The following NRXN1 variants were observed in gnomAD, a reference collection of about 807,000 sequenced individuals.
NRXN1 encodes neurexin 1, also known as neurexin-1.
A neutral mutation model predicts 150.9 loss-of-function variants in NRXN1; 39 were observed. The ratio of observed to expected loss-of-function variants is 0.26; its 90% CI spans 0.20 to 0.34. The LOEUF is 0.34. Among genes scored for constraint, NRXN1 ranks in the 10% least tolerant of loss-of-function variants. The pLI is 1.00. For missense variants in NRXN1, 1,815 were observed against 1,949.9 expected, an observed-to-expected ratio of 0.93 and a Z score of 1.30; for synonymous variants, 924 against 757.0, an observed-to-expected ratio of 1.22 and a Z score of -3.62.
At position 49,946,624 on chromosome 2, in the gene NRXN1, A is replaced by G. The variant is rs1334812975; in HGVS notation, c.4129-2833T>C. Among the ~76,000 whole-genome samples the G allele has an allele frequency of 2.0e-5, 3 of 152,154 alleles. No individual in the cohort carries two copies. The East Asian group carries it at 5.8e-4, about 29-fold the overall frequency. On this transcript the variant is annotated intron_variant, in intron 21 of 22. Coordinates refer to ENST00000401669, the MANE Select transcript of NRXN1 (RefSeq NM_001330078.2). ...ATGTCTAGCCAGTTTTCCCAACACC[A>G]TTTATTAAATAGGGAATCCTTTCCT...
chr2:50,522,719 CATTTTTTTTT>C lies in NRXN1; in HGVS notation c.2374+5896_2374+5905del, dbSNP rs1451704628. Among the ~76,000 whole-genome samples the C allele has an allele frequency of 5.4e-4, 47 of 86,554 alleles. 4 individuals are homozygous for C. The East Asian group carries it at 8.8e-3, about 16-fold the overall frequency. The allele number at this position is 86,554 out of a possible 152,430, so 56.8% of individuals were successfully genotyped here. A position where few individuals can be genotyped will look rare whatever the true frequency, so the allele number is the denominator to read the frequency against. The stretch of plus-strand genomic sequence containing the variant: ...TTCCATTTATTCATTTATTTTTATT[CATTTTTTTTT>C]TTTTTTTTTTTTTTTTTTTTTGAGA... On this transcript the variant is annotated intron_variant, in intron 12 of 22. Transcript: ENST00000401669.
At chr2:50,900,846 T>G (rs964967703) in intron 5 of NRXN1, among the ~76,000 whole-genome samples, 4 of 152,148 alleles carry the variant, frequency 2.6e-5, no homozygotes, top group Non-Finnish European at 5.9e-5. Flanking sequence ...GCTACCTGGA[T>G]TAGACTGAGC....
At position 51,032,013 on chromosome 2, in the gene NRXN1, G is replaced by A. The variant is rs1175909870; in HGVS notation, c.-954C>T. The A allele has an allele frequency of 6.6e-6, 1 of 152,166 alleles. No individual in the cohort carries two copies. The highest frequency in any genetic ancestry group is 6.6e-5 in the Admixed American group (1 of 15,264). The allele number at this position is 152,166 out of a possible 1,614,324, so 9.4% of individuals were successfully genotyped here. ...GTTATTCCCCTCAGCTCGAGCCAGA[G>A]CCTGAAGCATGCATCGGTCAAAGCG... On this transcript the variant is annotated 5_prime_UTR_variant, in exon 1 of 23. Coordinates refer to ENST00000401669, the MANE Select transcript of NRXN1 (RefSeq NM_001330078.2).
chr2:50,631,265 T>C (rs1682270185), intron 5 of NRXN1: 1 of 355,454 alleles, frequency 2.8e-6, no homozygotes, highest in Admixed American at 5.1e-5. Flanking sequence ...CTTCAAGACT[T>C]ATCTCACTTA....
At chr2:50,004,669 AC>A (rs1684478458) in intron 21 of NRXN1, among the ~76,000 whole-genome samples, 1 of 152,128 alleles carries the variant, frequency 6.6e-6, no homozygotes, top group African/African-American at 2.4e-5. Context: ...CAAATCAACA[AC>A]CTGAAGGTAG....
intron 15 of NRXN1, among the ~76,000 whole-genome samples, chr2:50,479,810 G>A (rs2216170): frequency 0.56 from 74,039 of 131,264 alleles, 20,164 homozygotes; most frequent in Middle Eastern, 0.65. Flanking sequence ...GTCTTGCTCC[G>A]TTGCCCAGGC....
At chr2:50,244,458 G>T (rs1419808550) in intron 17 of NRXN1, among the ~76,000 whole-genome samples, 1 of 151,846 alleles carries the variant, frequency 6.6e-6, no homozygotes, top group Non-Finnish European at 1.5e-5. Flanking sequence ...GTGCTGATTT[G>T]AATAAGTTAT....
chr2:50,067,181 T>A (rs1403017747), intron 19 of NRXN1, among the ~76,000 whole-genome samples: 3 of 152,190 alleles, frequency 2.0e-5, no homozygotes, highest in Non-Finnish European at 4.4e-5. Flanking sequence ...ACTGCAGAGT[T>A]CAATGGTGCT....
At chr2:50,287,392 G>C (rs1028994646) in intron 17 of NRXN1, among the ~76,000 whole-genome samples, 1 of 152,050 alleles carries the variant, frequency 6.6e-6, no homozygotes, top group Admixed American at 6.6e-5. Flanking sequence ...AAATGGATAG[G>C]AGACTAAAAA....
At chr2:50,905,858 A>G (rs1683591184) in intron 5 of NRXN1, among the ~76,000 whole-genome samples, 1 of 152,158 alleles carries the variant, frequency 6.6e-6, no homozygotes, top group African/African-American at 2.4e-5. Flanking sequence ...AAAATGGAAG[A>G]TAAAGTGAAT....
At chr2:50,999,455 C>G (rs1249284191) in intron 2 of NRXN1, among the ~76,000 whole-genome samples, 1 of 152,098 alleles carries the variant, frequency 6.6e-6, no homozygotes, top group East Asian at 2.0e-4. Flanking sequence ...AGCAACACTT[C>G]TTGCACATCT....
At chr2:50,961,145 T>C (rs1693119545) in intron 2 of NRXN1, among the ~76,000 whole-genome samples, 1 of 151,936 alleles carries the variant, frequency 6.6e-6, no homozygotes, top group Non-Finnish European at 1.5e-5. Flanking sequence ...TTTATTCCCA[T>C]CCACTATGAT....
At chr2:50,397,223 T>G (rs1346226554) in intron 17 of NRXN1, among the ~76,000 whole-genome samples, 1 of 152,034 alleles carries the variant, frequency 6.6e-6, no homozygotes, top group Non-Finnish European at 1.5e-5. Flanking sequence ...GCAAAGGACA[T>G]GAGAAACTTA....
intron 21 of NRXN1, among the ~76,000 whole-genome samples, chr2:49,957,389 G>T (rs1395410848): frequency 3.3e-5 from 5 of 152,150 alleles, no homozygotes; most frequent in African/African-American, 1.2e-4. Context: ...CTTTCAAAAT[G>T]AATGGCTCTT....
At chr2:51,015,338 T>A (rs1310634111) in intron 2 of NRXN1, among the ~76,000 whole-genome samples, 2 of 152,084 alleles carry the variant, frequency 1.3e-5, no homozygotes, top group African/African-American at 4.8e-5. Flanking sequence ...CATCTTTCCA[T>A]CCTCCACCTC....
At chr2:50,162,200 A>C (rs1187385182) in intron 18 of NRXN1, among the ~76,000 whole-genome samples, 1 of 152,178 alleles carries the variant, frequency 6.6e-6, no homozygotes, top group African/African-American at 2.4e-5. Context: ...ATCATTCAGG[A>C]CAATAAACTA....
chr2:50,496,467 A>G (rs1342147910), intron 14 of NRXN1, among the ~76,000 whole-genome samples: 1 of 152,064 alleles, frequency 6.6e-6, no homozygotes, highest in Non-Finnish European at 1.5e-5. Context: ...TTTCTCCTCT[A>G]TCTCGATTCC....
chr2:50,252,175 T>C (rs1351450199), intron 17 of NRXN1, among the ~76,000 whole-genome samples: 4 of 108,060 alleles, frequency 3.7e-5, no homozygotes, highest in Non-Finnish European at 5.7e-5. Context: ...GGGTTTTACA[T>C]TTAAGTCTTT....
At chr2:50,721,792 AT>A (rs1696691678) in intron 5 of NRXN1, among the ~76,000 whole-genome samples, 1 of 152,094 alleles carries the variant, frequency 6.6e-6, no homozygotes, top group Non-Finnish European at 1.5e-5. Flanking sequence ...TGGGATAGAT[AT>A]TTTTACTCAT....
Sources: gnomAD v4.1 joint callset for allele counts (sites outside exome capture counted in the v4.1 genomes callset) on GRCh38, gnomAD v4.1.1 for gene constraint, MANE v1.5 for transcripts, NCBI Gene and HGNC (gene_info 2026-07-23, HGNC 2026-07-21) for gene names.